The following DCDC2C variants were observed in gnomAD, a reference collection of about 807,000 sequenced individuals.
DCDC2C encodes doublecortin domain-containing protein 2C.
In DCDC2C, 44 loss-of-function variants were observed where a neutral mutation model predicts 45.0. The observed-to-expected ratio is 0.98, with a 90% CI of 0.77 to 1.26. The LOEUF (loss-of-function observed/expected upper bound fraction) is 1.26. Ranked by LOEUF, DCDC2C falls within the 50% of genes most tolerant of loss-of-function variation. The pLI is 0.00. For synonymous variants in DCDC2C, 187 were observed against 178.8 expected (o/e 1.05, Z -0.37); for missense variants, 447 against 468.9 (o/e 0.95, Z 0.43).
At position 3,768,176 on chromosome 2, in the gene DCDC2C, C is replaced by T. The variant is rs551780960; in HGVS notation, c.853+296C>T. On this transcript the variant is annotated intron_variant, in intron 7 of 10. Transcript: ENST00000399143. The stretch of plus-strand genomic sequence containing the variant: ...TATCTTCTTTTCTAAAGACTGATGA[C>T]GTAGAAAACAACAAATAAATCTATC... Among the ~76,000 whole-genome samples, 91 of 151,984 alleles carry T rather than the reference C, an allele frequency of 6.0e-4. 1 individual carries two copies. Among genetic ancestry groups the T allele is most frequent in the African/African-American group, 2.0e-3 (82 of 41,458 alleles).
intron 7 of DCDC2C, 60 bp from the exon 8 acceptor site, chr2:3,769,251 T>G (rs993524719): frequency 1.3e-6 from 2 of 1,486,994 alleles, no homozygotes; most frequent in Non-Finnish European, 9.2e-7. Flanking sequence ...TCAGGAAATA[T>G]GCAGTGGACT....
At chr2:3,716,621 A>G (rs376254469) in intron 2 of DCDC2C, among the ~76,000 whole-genome samples, 1 of 152,198 alleles carries the variant, frequency 6.6e-6, no homozygotes, top group African/African-American at 2.4e-5. Flanking sequence ...AAGTGACATC[A>G]TGTACGTGAT....
In DCDC2C at chr2:3,818,488, A is replaced by G. The variant is rs141046196; in HGVS notation, c.1066-28666A>G. ...GTGGATAGGCAAGACAATTTGGTTG[A>G]TAAGGGGCAGATCCTGAACTAACAT... On this transcript the variant is annotated intron_variant, in intron 10 of 10. Transcript: ENST00000399143. This position sits in a 1 kb window ranked among gnomAD's most constrained non-coding sequence, Gnocchi z 4.7. 7.8e-3 allele frequency among the ~76,000 whole-genome samples: 1,182 copies of G among 152,320 alleles called. 14 individuals are homozygous for G. Among genetic ancestry groups the G allele is most frequent in the African/African-American group, 0.027 (1,135 of 41,560 alleles).
chr2:3,830,313 T>G lies in DCDC2C; in HGVS notation c.1066-16841T>G, dbSNP rs569472831. Among the ~76,000 whole-genome samples, 3 of 152,128 alleles carry G rather than the reference T, an allele frequency of 2.0e-5. No individual in the cohort carries two copies. The South Asian group carries it at 6.2e-4, about 32-fold the overall frequency. On this transcript the variant is annotated intron_variant, in intron 10 of 10. Coordinates refer to ENST00000399143, the MANE Select transcript of DCDC2C (RefSeq NM_001287444.2). ...TGCTTTTATTGGAGGTTTTTTTTTTTGTTCATCCATTAGTGATGTTCTGTG... is the reference window on the plus strand; with the variant it reads ...TGCTTTTATTGGAGGTTTTTTTTTTGGTTCATCCATTAGTGATGTTCTGTG...
intron 6 of DCDC2C, among the ~76,000 whole-genome samples, chr2:3,765,849 G>A (rs1001390970): frequency 2.6e-5 from 4 of 152,148 alleles, no homozygotes; most frequent in Middle Eastern, 3.2e-3. Context: ...AAGGGACAGG[G>A]CACCCCTCTT....
chr2:3,845,839 G>A (rs62107647), intron 10 of DCDC2C, among the ~76,000 whole-genome samples: 36,699 of 152,142 alleles, frequency 0.24, 4,813 homozygotes, highest in East Asian at 0.33. Context: ...ACCAGGCCCT[G>A]GTCTGTGCTC....
At chr2:3,845,946 T>C (rs1457763654) in intron 10 of DCDC2C, among the ~76,000 whole-genome samples, 1 of 152,192 alleles carries the variant, frequency 6.6e-6, no homozygotes, top group Non-Finnish European at 1.5e-5. Context: ...GATCATAGTT[T>C]GTTAGAGCTG....
At chr2:3,830,068 C>T (rs572564158) in intron 10 of DCDC2C, among the ~76,000 whole-genome samples, 2 of 152,242 alleles carry the variant, frequency 1.3e-5, no homozygotes, top group South Asian at 2.1e-4. Flanking sequence ...GGATGTTGGC[C>T]GTGCAGAAAA....
rs557627532 is a variant in DCDC2C, at chr2:3,767,147, A to G, written c.727-607A>G. ...ACTTTAGATACTTTCACCTTCGGACATGTTCATCAGGATGTGACCACGTCC... is the reference window on the plus strand; with the variant it reads ...ACTTTAGATACTTTCACCTTCGGACGTGTTCATCAGGATGTGACCACGTCC... On this transcript the variant is annotated intron_variant, in intron 6 of 10. Transcript: ENST00000399143. 7.5e-4 allele frequency among the ~76,000 whole-genome samples: 114 copies of G among 152,368 alleles called. 1 individual carries two copies. The South Asian group carries it at 0.011, about 14-fold the overall frequency.
chr2:3,831,769 A>G (rs71449692), intron 10 of DCDC2C, among the ~76,000 whole-genome samples: 2,485 of 152,290 alleles, frequency 0.016, 30 homozygotes, highest in Admixed American at 0.027. Context: ...TTCCTGCTTG[A>G]CATCTGTGAT....
At chr2:3,827,943 C>G (rs953061213) in intron 10 of DCDC2C, among the ~76,000 whole-genome samples, 7 of 152,124 alleles carry the variant, frequency 4.6e-5, no homozygotes, top group African/African-American at 1.7e-4. Flanking sequence ...CTGAAGGATG[C>G]TCTTCAGGTG....
At chr2:3,801,156 C>T (rs1671102714) in intron 10 of DCDC2C, among the ~76,000 whole-genome samples, 1 of 152,234 alleles carries the variant, frequency 6.6e-6, no homozygotes, top group African/African-American at 2.4e-5. Flanking sequence ...TCACTTTCAA[C>T]AACAGTATCG....
chr2:3,772,942 T>C (rs1670221734), intron 8 of DCDC2C, among the ~76,000 whole-genome samples: 1 of 152,198 alleles, frequency 6.6e-6, no homozygotes, highest in Middle Eastern at 3.2e-3. Context: ...GTTCTGTGGG[T>C]GCTCATCTGT....
chr2:3,795,333 G>A (rs1228618291), intron 10 of DCDC2C, among the ~76,000 whole-genome samples: 41 of 110,090 alleles, frequency 3.7e-4, no homozygotes, highest in African/African-American at 1.2e-3. Flanking sequence ...TCACTCTGAT[G>A]ATAGTTTCTT....
chr2:3,711,847 C>A (rs562982825), intron 2 of DCDC2C, among the ~76,000 whole-genome samples: 74 of 152,218 alleles, frequency 4.9e-4, no homozygotes, highest in Non-Finnish European at 9.0e-4. Context: ...CATAATATTT[C>A]TGAAAACTTA....
At chr2:3,721,520 T>C (rs902240816) in intron 2 of DCDC2C, among the ~76,000 whole-genome samples, 5 of 152,090 alleles carry the variant, frequency 3.3e-5, no homozygotes, top group Admixed American at 1.3e-4. Flanking sequence ...TGGAGCAGCA[T>C]TGGAGAGGTG....
intron 6 of DCDC2C, among the ~76,000 whole-genome samples, chr2:3,758,995 GGC>G (rs953427820): frequency 6.6e-6 from 1 of 152,188 alleles, no homozygotes; most frequent in African/African-American, 2.4e-5. Context: ...AGGGCTGTGT[GGC>G]CAGCAAGCAA....
Position 3,837,621 on chromosome 2 carries a change from G to GCT in DCDC2C, c.1066-9533_1066-9532insCT, listed in dbSNP as rs1672113446. ...CTCATCTAAAGGGGAAGAAACTGAG[G>GCT]AAGAAATCAGCCTTTGGCTCCCCCT... On this transcript the variant is annotated intron_variant, in intron 10 of 10. Coordinates refer to ENST00000399143, the MANE Select transcript of DCDC2C (RefSeq NM_001287444.2). Among the ~76,000 whole-genome samples, 3 of 103,232 alleles carry GCT rather than the reference G, an allele frequency of 2.9e-5. 1 individual carries two copies. The highest frequency in any genetic ancestry group is 7.2e-4 in the South Asian group (2 of 2,786). The allele number at this position is 103,232 out of a possible 152,430, so 67.7% of individuals were successfully genotyped here.
chr2:3,770,662 AAT>A (rs2148156903), intron 8 of DCDC2C, among the ~76,000 whole-genome samples: 1 of 152,348 alleles, frequency 6.6e-6, no homozygotes, highest in South Asian at 2.1e-4. Context: ...TTGTATGCCA[AAT>A]ATACCGTTGT....
Sources: gnomAD v4.1 joint callset for allele counts (sites outside exome capture counted in the v4.1 genomes callset) on GRCh38, gnomAD v4.1.1 for gene constraint, Gnocchi (gnomAD v3.1) non-coding constraint, MANE v1.5 for transcripts, NCBI Gene and HGNC (gene_info 2026-07-23, HGNC 2026-07-21) for gene names.